CADPS2: variants seen among roughly 807,000 people sequenced by gnomAD.
CADPS2 encodes the protein calcium dependent secretion activator 2, also known as calcium-dependent secretion activator 2.
CADPS2 carries 93 observed loss-of-function variants against 172.5 expected under a neutral mutation model. The observed-to-expected ratio is 0.54, with a 90% CI of 0.46 to 0.64. CADPS2 has a LOEUF of 0.64. Ranked by LOEUF, CADPS2 falls within the 30% of genes least tolerant of loss-of-function variation. The probability of loss-of-function intolerance (pLI) is 0.00; values close to 1 mark genes in which losing one functional copy is unlikely to be tolerated. For synonymous variants in CADPS2, 546 were observed against 555.2 expected (o/e 0.98, Z 0.23); for missense variants, 1,420 against 1,565.9 (o/e 0.91, Z 1.57).
intron 25 of CADPS2, chr7:122,366,685 G>GTATACATATATATATACGTATA (rs2040941718): frequency 7.9e-6 from 1 of 126,768 alleles, no homozygotes; most frequent in Non-Finnish European, 1.6e-5. Flanking sequence ...ATATATATAC[G>GTATACATATATATATACGTATA]TATATATATA....
intron 1 of CADPS2, among the ~76,000 whole-genome samples, chr7:122,765,698 ATAAT>A (rs2093527320): frequency 6.6e-6 from 1 of 152,178 alleles, no homozygotes; most frequent in African/African-American, 2.4e-5. Flanking sequence ...GCAGCTATCA[ATAAT>A]TGACATCCTT....
intron 6 of CADPS2, among the ~76,000 whole-genome samples, chr7:122,584,587 T>C (rs2429584): frequency 1.8e-3 from 281 of 152,116 alleles, no homozygotes; most frequent in African/African-American, 6.4e-3. Context: ...CTTTGCTACA[T>C]TATTCTAATT....
chr7:122,834,930 T>A (rs1278776490), intron 1 of CADPS2, among the ~76,000 whole-genome samples: 2 of 152,084 alleles, frequency 1.3e-5, no homozygotes, highest in African/African-American at 2.4e-5. Context: ...AGCTTTGAAG[T>A]GAGTAGTGTT....
intron 1 of CADPS2, among the ~76,000 whole-genome samples, chr7:122,820,556 G>GTTTTTTTTTT (rs551121404): frequency 1.3e-4 from 11 of 86,536 alleles, no homozygotes; most frequent in Non-Finnish European, 2.0e-4. Flanking sequence ...TTTGTTTTTT[G>GTTTTTTTTTT]TTTTTTTTTT....
chr7:122,581,146 C>G (rs1187581522), intron 7 of CADPS2, 33 bp downstream of exon 7: 1 of 1,522,266 alleles, frequency 6.6e-7, no homozygotes, highest in Non-Finnish European at 9.1e-7. Flanking sequence ...TAAAACTGTT[C>G]TACCCTGGAC....
At chr7:122,385,723 G>A (rs530176846) in intron 24 of CADPS2, among the ~76,000 whole-genome samples, 2 of 151,982 alleles carry the variant, frequency 1.3e-5, no homozygotes, top group African/African-American at 4.8e-5. Context: ...TACCTCTGAT[G>A]ATGGTCACAT....
chr7:122,478,981 A>T (rs938957595), intron 12 of CADPS2, among the ~76,000 whole-genome samples: 2 of 152,130 alleles, frequency 1.3e-5, no homozygotes, highest in African/African-American at 4.8e-5. Context: ...TTTGCAACAA[A>T]TTCTTATGGT....
chr7:122,357,691 T>G (rs927936265), intron 27 of CADPS2, among the ~76,000 whole-genome samples: 1 of 152,188 alleles, frequency 6.6e-6, no homozygotes, highest in Admixed American at 6.5e-5. Context: ...ATAGTCTTTA[T>G]AGTTTTGCCT....
chr7:122,520,940 G>A (rs1001416253), intron 8 of CADPS2, among the ~76,000 whole-genome samples: 2 of 152,006 alleles, frequency 1.3e-5, no homozygotes, highest in African/African-American at 4.8e-5. Context: ...TTTGGTGCCT[G>A]AAAAAAAGAA....
At chr7:122,614,438 A>G (rs546815307) in intron 6 of CADPS2, among the ~76,000 whole-genome samples, 18 of 152,244 alleles carry the variant, frequency 1.2e-4, no homozygotes, top group Admixed American at 6.5e-4. Flanking sequence ...TGGTATTATA[A>G]TAAGGCAAAA....
At chr7:122,666,259 T>C (rs2135444494) in intron 2 of CADPS2, among the ~76,000 whole-genome samples, 1 of 152,114 alleles carries the variant, frequency 6.6e-6, no homozygotes, top group East Asian at 1.9e-4. Context: ...AGCTCAGTAG[T>C]TAAAAGGATG....
intron 8 of CADPS2, among the ~76,000 whole-genome samples, chr7:122,526,147 G>A (rs537136935): frequency 6.6e-6 from 1 of 151,844 alleles, no homozygotes; most frequent in African/African-American, 2.4e-5. Flanking sequence ...TTGCTCACAT[G>A]GATAAACACT....
intron 27 of CADPS2, among the ~76,000 whole-genome samples, chr7:122,349,363 C>A (rs555384113): frequency 6.6e-6 from 1 of 152,114 alleles, no homozygotes; most frequent in African/African-American, 2.4e-5. Context: ...AATGCCATTT[C>A]GGAGTAAATT....
At chr7:122,826,661 A>T (rs369253740) in intron 1 of CADPS2, among the ~76,000 whole-genome samples, 48 of 152,292 alleles carry the variant, frequency 3.2e-4, no homozygotes, top group African/African-American at 1.1e-3. Context: ...AATGCAGTAT[A>T]CAATAATCAA....
chr7:122,605,278 G>C (rs1363542416), intron 6 of CADPS2, among the ~76,000 whole-genome samples: 2 of 152,092 alleles, frequency 1.3e-5, no homozygotes, highest in South Asian at 2.1e-4. Context: ...TATAAAAACT[G>C]AACACTTAGG....
intron 1 of CADPS2, among the ~76,000 whole-genome samples, chr7:122,848,217 A>C (rs1373212549): frequency 6.6e-6 from 1 of 152,208 alleles, no homozygotes; most frequent in Non-Finnish European, 1.5e-5. Context: ...AGCAACCAGC[A>C]TAACTAAGAG....
intron 1 of CADPS2, among the ~76,000 whole-genome samples, chr7:122,833,386 T>C (rs1456649543): frequency 6.6e-6 from 1 of 152,204 alleles, no homozygotes; most frequent in Non-Finnish European, 1.5e-5. Flanking sequence ...AGTCTCGCTC[T>C]GTTGCCCGGG....
intron 8 of CADPS2, among the ~76,000 whole-genome samples, chr7:122,518,690 C>T (rs964195637): frequency 6.6e-6 from 1 of 151,952 alleles, no homozygotes; most frequent in Non-Finnish European, 1.5e-5. Context: ...GTGTGATTAA[C>T]TCAAAGAAGT....
At chr7:122,755,701 A>C (rs1441331782) in intron 1 of CADPS2, among the ~76,000 whole-genome samples, 1 of 152,092 alleles carries the variant, frequency 6.6e-6, no homozygotes, top group Non-Finnish European at 1.5e-5. Context: ...AACCCAAACA[A>C]ACTACTGGGA....
Sources: gnomAD v4.1 joint callset for allele counts (sites outside exome capture counted in the v4.1 genomes callset) on GRCh38, gnomAD v4.1.1 for gene constraint, MANE v1.5 for transcripts, NCBI Gene and HGNC (gene_info 2026-07-23, HGNC 2026-07-21) for gene names.